Variants in MED12L observed in about 807,000 individuals in gnomAD.
The protein encoded by MED12L is mediator complex subunit 12L.
A neutral mutation model predicts 281.3 loss-of-function variants in MED12L; 60 were observed. The observed-to-expected ratio is 0.21, with a 90% confidence interval of 0.17 to 0.26. The LOEUF (loss-of-function observed/expected upper bound fraction) is 0.26. Ranked by LOEUF, MED12L falls within the 10% of genes least tolerant of loss-of-function variation. MED12L has a pLI of 1.00. For synonymous variants in MED12L, 974 were observed against 987.2 expected (o/e 0.99, Z 0.25); for missense variants, 2,146 against 2,680.9 (o/e 0.80, Z 4.41).
chr3:151,153,015 C>T (rs1576839696), intron 5 of MED12L, among the ~76,000 whole-genome samples: 2 of 152,358 alleles, frequency 1.3e-5, no homozygotes, highest in Middle Eastern at 6.8e-3. Context: ...TGTGACACAT[C>T]TCTGCTGTCA....
rs547047670 is a variant in MED12L at position 151,376,470 on chromosome 3, G to A, written c.4053+256G>A. Among the ~76,000 whole-genome samples the A allele has an allele frequency of 2.6e-5, 4 of 152,242 alleles. No homozygotes were observed. In the South Asian group the frequency reaches 8.3e-4, roughly 32 times the overall value. On this transcript the variant is annotated intron_variant, in intron 28 of 44. Transcript: ENST00000687756. ...CATGAGAAATATGCTTCAGAGAGGG[G>A]CTATGTTAAATATATTATTAAAGAA...
At chr3:151,304,513 T>C (rs1577283556) in intron 16 of MED12L, among the ~76,000 whole-genome samples, 1 of 151,612 alleles carries the variant, frequency 6.6e-6, no homozygotes, top group East Asian at 1.9e-4. Flanking sequence ...GACCTTGCAG[T>C]GAGCCGAGGT....
At chr3:151,335,227 TCTCA>T (rs1165346277) in intron 16 of MED12L, among the ~76,000 whole-genome samples, 1 of 152,186 alleles carries the variant, frequency 6.6e-6, no homozygotes, top group Non-Finnish European at 1.5e-5. Flanking sequence ...TATTATTCCT[TCTCA>T]CTAACTGTAT....
At chr3:151,420,849 GT>G (rs750373666) in intron 43 of MED12L, among the ~76,000 whole-genome samples, 59 of 152,314 alleles carry the variant, frequency 3.9e-4, no homozygotes, top group Non-Finnish European at 5.6e-4. Flanking sequence ...TCCACGGATG[GT>G]AGTCTTGGCA....
At chr3:151,389,144 T>A (rs980324634) in intron 37 of MED12L, among the ~76,000 whole-genome samples, 1 of 152,202 alleles carries the variant, frequency 6.6e-6, no homozygotes, top group Non-Finnish European at 1.5e-5. Context: ...TATTCCTTTG[T>A]CTTGAAGGGA....
chr3:151,092,387 G>A (rs1720170129), intron 2 of MED12L, among the ~76,000 whole-genome samples: 1 of 152,254 alleles, frequency 6.6e-6, no homozygotes. Flanking sequence ...CTGCATGAGA[G>A]CAGAGGCTTG....
At chr3:151,289,966 C>T (rs763453860) in intron 16 of MED12L, among the ~76,000 whole-genome samples, 8 of 151,874 alleles carry the variant, frequency 5.3e-5, no homozygotes, top group South Asian at 2.1e-4. Flanking sequence ...CTGCAACCTC[C>T]GCCTCCCAGG....
intron 12 of MED12L, among the ~76,000 whole-genome samples, chr3:151,186,468 T>G (rs1316252670): frequency 6.6e-6 from 1 of 152,228 alleles, no homozygotes; most frequent in Non-Finnish European, 1.5e-5. Flanking sequence ...CACCTCATCT[T>G]GTGCCCTTCT....
chr3:151,233,459 C>T lies in MED12L; in HGVS notation c.2250+39793C>T, dbSNP rs148568129. Among the ~76,000 whole-genome samples the T allele has an allele frequency of 3.8e-3, 582 of 152,298 alleles. 1 individual carries two copies. Among genetic ancestry groups the T allele is most frequent in the African/African-American group, 0.012 (518 of 41,540 alleles). ...AAAAAGAACATAGCACTGGGCCGGG[C>T]GTGATGGCTCCCGCCTGTAATCCCA... On this transcript the variant is annotated intron_variant, in intron 16 of 44. Transcript: ENST00000687756.
intron 9 of MED12L, among the ~76,000 whole-genome samples, chr3:151,164,905 C>T (rs181644700): frequency 1.5e-3 from 231 of 151,958 alleles, no homozygotes; most frequent in Non-Finnish European, 2.3e-3. Flanking sequence ...TAATGTTAAA[C>T]GATGAGTTAA....
intron 16 of MED12L, among the ~76,000 whole-genome samples, chr3:151,239,698 C>T (rs1368670933): frequency 6.6e-6 from 1 of 152,102 alleles, no homozygotes; most frequent in African/African-American, 2.4e-5. Flanking sequence ...AAAAGGGATC[C>T]TGAGACCAAA....
chr3:151,420,568 G>T (rs115120528), intron 43 of MED12L, among the ~76,000 whole-genome samples: 2,887 of 152,230 alleles, frequency 0.019, 92 homozygotes, highest in African/African-American at 0.065. Context: ...CTATATATTG[G>T]ATACTGATTA....
Position 151,182,018 on chromosome 3 carries a change from A to G in MED12L, c.1495-3312A>G, listed in dbSNP as rs769154781. ...TAAAAAGAACATTTTAATTTAGCTA[A>G]ATTATTTTTTTTAATGAGGTAAGTT... On this transcript the variant is annotated intron_variant, in intron 11 of 44. Coordinates refer to ENST00000687756, the MANE Select transcript of MED12L (RefSeq NM_001393769.1). Among the ~76,000 whole-genome samples, 40 of 152,290 alleles carry G rather than the reference A, an allele frequency of 2.6e-4. 1 individual carries two copies. The highest frequency in any genetic ancestry group is 3.8e-4 in the Non-Finnish European group (26 of 68,018).
intron 16 of MED12L, among the ~76,000 whole-genome samples, chr3:151,211,199 A>G (rs1433511874): frequency 6.6e-6 from 1 of 152,200 alleles, no homozygotes; most frequent in African/African-American, 2.4e-5. Context: ...TTACTTTTGC[A>G]TTGCTATTCT....
intron 43 of MED12L, among the ~76,000 whole-genome samples, chr3:151,429,155 A>G (rs990649544): frequency 6.6e-6 from 1 of 152,188 alleles, no homozygotes; most frequent in African/African-American, 2.4e-5. Context: ...AGGAGCTGCA[A>G]CCTTCCCGGT....
intron 16 of MED12L, among the ~76,000 whole-genome samples, chr3:151,232,260 A>G (rs1275827350): frequency 3.9e-5 from 6 of 152,354 alleles, no homozygotes; most frequent in Admixed American, 1.3e-4. Context: ...TCTTTGAGCA[A>G]TCACAGTGTT....
chr3:151,165,827 G>C lies in MED12L; in HGVS notation c.1358-19G>C. 1 of 1,606,764 alleles carries C rather than the reference G, an allele frequency of 6.2e-7. No individual in the cohort carries two copies. The highest frequency in any genetic ancestry group is 8.5e-7 in the Non-Finnish European group (1 of 1,177,198). ...TTATTTTTGGCCTCATTAACCACTTGTTTAATTTCTGCCTATAGGGGTGAC... is the reference window on the plus strand; with the variant it reads ...TTATTTTTGGCCTCATTAACCACTTCTTTAATTTCTGCCTATAGGGGTGAC... On this transcript the variant is annotated intron_variant, in intron 10 of 44. Transcript: ENST00000687756.
At chr3:151,269,135 C>T (rs936668164) in intron 16 of MED12L, among the ~76,000 whole-genome samples, 1 of 152,048 alleles carries the variant, frequency 6.6e-6, no homozygotes, top group Admixed American at 6.5e-5. Context: ...ACAGGCTGGG[C>T]GCGGTGGCTT....
chr3:151,279,069 C>T (rs1240386188), intron 16 of MED12L, among the ~76,000 whole-genome samples: 1 of 152,210 alleles, frequency 6.6e-6, no homozygotes, highest in Non-Finnish European at 1.5e-5. Context: ...CAGTGCTCCA[C>T]TGTCTTTCCC....
Sources: allele counts gnomAD v4.1 joint callset (sites outside exome capture counted in the v4.1 genomes callset), GRCh38; gene constraint gnomAD v4.1.1; transcripts MANE v1.5; gene names NCBI Gene and HGNC (gene_info 2026-07-23, HGNC 2026-07-21).